The following BROX variants were observed in gnomAD, a reference collection of about 807,000 sequenced individuals.
BROX encodes BRO1 domain and CAAX motif containing, also known as BRO1 domain-containing protein BROX.
Under a neutral mutation model 61.0 loss-of-function variants are expected in BROX, and 53 were observed. That is an observed-to-expected ratio of 0.87 (90% confidence interval 0.70 to 1.09). The LOEUF (loss-of-function observed/expected upper bound fraction) is 1.09. Ranked by LOEUF, BROX falls within the 50% of genes least tolerant of loss-of-function variation. The probability of loss-of-function intolerance (pLI) is 0.00; values close to 1 mark genes in which losing one functional copy is unlikely to be tolerated. For synonymous variants in BROX, 152 were observed against 160.2 expected, an observed-to-expected ratio of 0.95 and a Z score of 0.38; for missense variants, 489 against 472.0, an observed-to-expected ratio of 1.04 and a Z score of -0.33.
In BROX at chr1:222,712,769, C is replaced by T; in HGVS notation, c.-190C>T. 7.8e-7 allele frequency: 1 copy of T among 1,289,728 alleles called. No individual in the cohort carries two copies. The highest frequency in any genetic ancestry group is 1.0e-6 in the Non-Finnish European group (1 of 989,084). 79.9% of individuals were successfully genotyped at this position (1,289,728 alleles called of 1,614,324 possible). Reference sequence around the variant, plus strand: ...CCCTGAGCTGCGCGCACTACCGCCTCGGTAGCTATCATGGCCGCCGGGTCA... The same window carrying T: ...CCCTGAGCTGCGCGCACTACCGCCTTGGTAGCTATCATGGCCGCCGGGTCA... On this transcript the variant is annotated 5_prime_UTR_variant, in exon 1 of 13. Transcript: ENST00000340934.
Position 222,719,261 on chromosome 1 carries a change from A to G in BROX, c.209-2A>G, listed in dbSNP as rs1404640138. On this transcript the variant is annotated splice_acceptor_variant, in intron 3 of 12. Coordinates refer to ENST00000340934, the MANE Select transcript of BROX (RefSeq NM_144695.4). LOFTEE classifies it high-confidence loss of function. ...ACTAAAATGTCTTGTACTTTTCTAT[A>G]GGTTTCATAAATTCTTTGGATGAAT... 2 of 1,565,602 alleles carry G rather than the reference A, an allele frequency of 1.3e-6. No homozygotes were observed. Among genetic ancestry groups the G allele is most frequent in the East Asian group, 4.5e-5 (2 of 44,576 alleles).
intron 1 of BROX, chr1:222,713,536 A>G (rs1656249304): frequency 4.1e-6 from 3 of 726,876 alleles, no homozygotes; most frequent in Non-Finnish European, 5.1e-6. Flanking sequence ...GGTGGCTCTA[A>G]AGGCACCCTT....
intron 4 of BROX, 58 bp downstream of exon 4, chr1:222,719,417 T>C (rs1325034885): frequency 8.4e-7 from 1 of 1,190,046 alleles, no homozygotes; most frequent in Non-Finnish European, 1.3e-6. Flanking sequence ...ATGTAGCCAG[T>C]GGTTAACTCA....
intron 2 of BROX, 129 bp from the exon 3 acceptor site, chr1:222,718,796 A>G: frequency 1.4e-6 from 1 of 706,898 alleles, no homozygotes; most frequent in Non-Finnish European, 2.5e-6. Flanking sequence ...TAAAGCTTTT[A>G]CATTGAAACC....
At chr1:222,718,829 G>C in intron 2 of BROX, 96 bp from the exon 3 acceptor site, 2 of 909,214 alleles carry the variant, frequency 2.2e-6, no homozygotes, top group Non-Finnish European at 3.6e-6. Flanking sequence ...GTATGTGTGT[G>C]TGTTTTAAAG....
chr1:222,729,160 A>G (rs763898971), intron 9 of BROX, among the ~76,000 whole-genome samples: 27 of 152,194 alleles, frequency 1.8e-4, no homozygotes, highest in Admixed American at 2.0e-4. Flanking sequence ...ATATCACACA[A>G]TATATCACCT....
chr1:222,718,945 C>G lies in BROX; in HGVS notation c.122C>G (p.Ala41Gly), dbSNP rs1483364255. The part of the protein sequence containing the change: ...KICNDLRSSR[A>G]RLLELFTDLS... ...ATAAGTGACTTGAGGTCATCCAGGGCACGACTCCTTGAACTGTTCACTGAT... is the reference window on the plus strand; with the variant it reads ...ATAAGTGACTTGAGGTCATCCAGGGGACGACTCCTTGAACTGTTCACTGAT... The change falls in exon 3 of 13, where the codon GCA becomes GGA. Residue 41 changes from alanine (A) to glycine (G), a missense_variant. Transcript: ENST00000340934. The G allele has an allele frequency of 6.2e-7, 1 of 1,613,634 alleles. No homozygotes were observed. Among genetic ancestry groups the G allele is most frequent in the Non-Finnish European group, 8.5e-7 (1 of 1,179,818 alleles).
At chr1:222,728,143 T>C (rs1487335698) in intron 8 of BROX, among the ~76,000 whole-genome samples, 1 of 152,168 alleles carries the variant, frequency 6.6e-6, no homozygotes, top group African/African-American at 2.4e-5. Context: ...TCCCTATAGT[T>C]GCAGTATTAG....
In BROX at chr1:222,723,730, G is replaced by A. The variant is rs138694058; in HGVS notation, c.402-362G>A. Among the ~76,000 whole-genome samples, 45 of 152,284 alleles carry A rather than the reference G, an allele frequency of 3.0e-4. No individual in the cohort carries two copies. In the East Asian group the frequency reaches 6.6e-3, roughly 22 times the overall value. ...CGCTCTGTCGCCAGGCCAGGCTGGA[G>A]TGCAGTGGCATGATCTCGGCTCGCT... On this transcript the variant is annotated intron_variant, in intron 5 of 12. Transcript: ENST00000340934.
At chr1:222,713,342 C>T (rs1042673208) in intron 1 of BROX, 2 of 985,576 alleles carry the variant, frequency 2.0e-6, no homozygotes, top group Non-Finnish European at 2.4e-6. Flanking sequence ...CTGCCTCGAA[C>T]GGGACTGGGC....
intron 6 of BROX, 131 bp from the exon 7 acceptor site, chr1:222,725,319 G>T (rs1657420877): frequency 5.2e-6 from 3 of 579,452 alleles, no homozygotes. Flanking sequence ...TATAGTTTTT[G>T]TTTATACTCT....
intron 5 of BROX, among the ~76,000 whole-genome samples, chr1:222,723,549 C>T (rs1335986394): frequency 6.6e-6 from 1 of 152,176 alleles, no homozygotes; most frequent in Non-Finnish European, 1.5e-5. Context: ...ATGTCATATA[C>T]TTGTTTTCAA....
chr1:222,721,827 G>C (rs1270442793), intron 4 of BROX, among the ~76,000 whole-genome samples: 1 of 151,890 alleles, frequency 6.6e-6, no homozygotes, highest in Non-Finnish European at 1.5e-5. Context: ...CATACCTTCT[G>C]CTCCAGTCAA....
At chr1:222,725,825 C>T in intron 7 of BROX, among the ~76,000 whole-genome samples, 1 of 152,194 alleles carries the variant, frequency 6.6e-6, no homozygotes, top group Middle Eastern at 3.4e-3. Flanking sequence ...TGGGAAGGAT[C>T]GCTGGAGCCT....
At chr1:222,731,317 G>T in intron 11 of BROX, 40 bp from the exon 12 acceptor site, 2 of 1,514,712 alleles carry the variant, frequency 1.3e-6, no homozygotes, top group South Asian at 2.6e-5. Context: ...CTCAAATAAC[G>T]AACAAATGAA....
rs1658154143 is a variant in BROX, at chr1:222,734,417, A to G, written c.*1703A>G. ...TTATGCCTATCTGAATCAATATTGCATTCAAATAAGTGATTACTTAAATCA... is the reference window on the plus strand; with the variant it reads ...TTATGCCTATCTGAATCAATATTGCGTTCAAATAAGTGATTACTTAAATCA... On this transcript the variant is annotated 3_prime_UTR_variant, in exon 13 of 13. Coordinates refer to ENST00000340934, the MANE Select transcript of BROX (RefSeq NM_144695.4). 1 of 152,144 alleles carries G rather than the reference A, an allele frequency of 6.6e-6. No homozygotes were observed. Among genetic ancestry groups the G allele is most frequent in the African/African-American group, 2.4e-5 (1 of 41,462 alleles). The allele number at this position is 152,144 out of a possible 1,614,324, so 9.4% of individuals were successfully genotyped here.
intron 7 of BROX, 32 bp from the exon 8 acceptor site, chr1:222,727,136 T>C (rs1029267914): frequency 2.8e-6 from 4 of 1,425,422 alleles, no homozygotes; most frequent in Non-Finnish European, 3.9e-6. Flanking sequence ...GTGAGCTTAA[T>C]TATAGATTCA....
Position 222,730,095 on chromosome 1 carries a change from C to T in BROX, c.907C>T (p.Pro303Ser), listed in dbSNP as rs1657823847. The change falls in exon 11 of 13, where the codon CCT becomes TCT. Residue 303 changes from proline (P) to serine (S), a missense_variant. Coordinates refer to ENST00000340934, the MANE Select transcript of BROX (RefSeq NM_144695.4). ...CAAAGGACCTGGACCAACAGTCAAA[C>T]CTTCAGGACATCTGTTCTTTAGGAA... ...ETKGPGPTVK[P>S]SGHLFFRKLG... The T allele has an allele frequency of 6.2e-7, 1 of 1,613,292 alleles. No homozygotes were observed. Among genetic ancestry groups the T allele is most frequent in the Non-Finnish European group, 8.5e-7 (1 of 1,179,546 alleles).
chr1:222,722,304 C>T, intron 4 of BROX, 115 bp from the exon 5 acceptor site: 1 of 803,974 alleles, frequency 1.2e-6, no homozygotes, highest in African/African-American at 1.7e-5. Context: ...CCATTTTCCT[C>T]ATACATACCA....
Sources: allele counts gnomAD v4.1 joint callset (sites outside exome capture counted in the v4.1 genomes callset), GRCh38; gene constraint gnomAD v4.1.1; transcripts MANE v1.5; gene names NCBI Gene and HGNC (gene_info 2026-07-23, HGNC 2026-07-21).